The following FBXL7 variants were observed in gnomAD, a reference collection of about 807,000 sequenced individuals.
FBXL7 encodes F-box/LRR-repeat protein 7.
A neutral mutation model predicts 38.3 loss-of-function variants in FBXL7; 12 were observed. The ratio of observed to expected loss-of-function variants is 0.31; its 90% CI spans 0.20 to 0.51. The LOEUF is 0.51. Among genes scored for constraint, FBXL7 ranks in the 20% least tolerant of loss-of-function variants. FBXL7 has a pLI of 0.98. For missense variants in FBXL7, 567 were observed against 676.4 expected, an observed-to-expected ratio of 0.84 and a Z score of 1.79; for synonymous variants, 297 against 300.9, an observed-to-expected ratio of 0.99 and a Z score of 0.13.
At chr5:15,502,242 A>G (rs753216819) in intron 1 of FBXL7, among the ~76,000 whole-genome samples, 68 of 152,018 alleles carry the variant, frequency 4.5e-4, no homozygotes, top group Non-Finnish European at 8.7e-4. Flanking sequence ...TTCTTGAACA[A>G]TCCCCTGCCC....
intron 2 of FBXL7, among the ~76,000 whole-genome samples, chr5:15,808,576 C>T (rs1460051495): frequency 1.3e-5 from 2 of 152,108 alleles, no homozygotes; most frequent in Admixed American, 6.6e-5. Context: ...GACTTCTGTC[C>T]CTTTCTCTTC....
chr5:15,550,876 C>T (rs563930629), intron 1 of FBXL7, among the ~76,000 whole-genome samples: 22 of 152,338 alleles, frequency 1.4e-4, no homozygotes, highest in South Asian at 1.2e-3. Context: ...CCTGCCCACT[C>T]GCCTTATTTC....
At chr5:15,781,264 G>A (rs1272759705) in intron 2 of FBXL7, among the ~76,000 whole-genome samples, 1 of 152,078 alleles carries the variant, frequency 6.6e-6, no homozygotes, top group Non-Finnish European at 1.5e-5. Context: ...AAGTGATAAC[G>A]AGAGAGAAAT....
intron 2 of FBXL7, among the ~76,000 whole-genome samples, chr5:15,899,466 T>C: frequency 6.6e-6 from 1 of 152,204 alleles, no homozygotes; most frequent in East Asian, 1.9e-4. Flanking sequence ...AACATTTCTA[T>C]GAAAAAGGAG....
rs74825971 is a variant in FBXL7 at position 15,713,106 on chromosome 5, G to A, written c.127+97034G>A. On this transcript the variant is annotated intron_variant, in intron 2 of 3. Coordinates refer to ENST00000504595, the MANE Select transcript of FBXL7 (RefSeq NM_012304.5). ...TGCTTATAAAGACACACCTGAGACC[G>A]GGCAATTTATGAAGAAAAAGAGGTT... Among the ~76,000 whole-genome samples the A allele has an allele frequency of 6.2e-3, 943 of 152,216 alleles. 5 individuals carry two copies. Among genetic ancestry groups the A allele is most frequent in the African/African-American group, 0.021 (889 of 41,522 alleles).
At chr5:15,555,754 T>C (rs1738208096) in intron 1 of FBXL7, among the ~76,000 whole-genome samples, 1 of 150,964 alleles carries the variant, frequency 6.6e-6, no homozygotes, top group Non-Finnish European at 1.5e-5. Context: ...CCTGACAAAA[T>C]TGGGGATTGG....
chr5:15,550,154 A>G (rs1349495358), intron 1 of FBXL7, among the ~76,000 whole-genome samples: 3 of 152,236 alleles, frequency 2.0e-5, no homozygotes, highest in Non-Finnish European at 2.9e-5. Context: ...GGTGCACTAA[A>G]TAAAAATATC....
chr5:15,853,299 GC>G (rs1739155657), intron 2 of FBXL7, among the ~76,000 whole-genome samples: 1 of 152,164 alleles, frequency 6.6e-6, no homozygotes. Flanking sequence ...AGATAGAGGG[GC>G]CATGAGCAGT....
intron 2 of FBXL7, among the ~76,000 whole-genome samples, chr5:15,663,778 T>A (rs1263857834): frequency 2.6e-5 from 4 of 152,230 alleles, no homozygotes; most frequent in Non-Finnish European, 5.9e-5. Flanking sequence ...TGCCTGCTCC[T>A]TTATTATTGT....
intron 2 of FBXL7, among the ~76,000 whole-genome samples, chr5:15,643,780 A>C (rs1032674937): frequency 6.6e-6 from 1 of 152,168 alleles, no homozygotes. Flanking sequence ...GAACATTGGA[A>C]AAAAGCATCT....
intron 2 of FBXL7, among the ~76,000 whole-genome samples, chr5:15,829,557 A>AT (rs1432158446): frequency 6.6e-5 from 10 of 152,032 alleles, no homozygotes; most frequent in African/African-American, 1.5e-4. Flanking sequence ...CCATTCCTAC[A>AT]TTTTTTCTAA....
intron 2 of FBXL7, among the ~76,000 whole-genome samples, chr5:15,647,371 G>A (rs551958015): frequency 2.6e-5 from 4 of 152,258 alleles, no homozygotes; most frequent in African/African-American, 4.8e-5. Context: ...TGCTCTTCTC[G>A]CCATTCCATG....
chr5:15,832,384 G>A (rs1325348450), intron 2 of FBXL7, among the ~76,000 whole-genome samples: 1 of 152,190 alleles, frequency 6.6e-6, no homozygotes, highest in African/African-American at 2.4e-5. Context: ...AATAAATCAA[G>A]CAAGGGAGTG....
intron 2 of FBXL7, among the ~76,000 whole-genome samples, chr5:15,841,510 T>A (rs1375827303): frequency 6.6e-6 from 1 of 152,170 alleles, no homozygotes; most frequent in Non-Finnish European, 1.5e-5. Context: ...CCTGGTAACC[T>A]GGTAGCTTGC....
rs150318822 is a variant in FBXL7, at chr5:15,634,650, A to G, written c.127+18578A>G. 6.9e-3 allele frequency among the ~76,000 whole-genome samples: 1,058 copies of G among 152,240 alleles called. 5 individuals carry two copies. The highest frequency in any genetic ancestry group is 0.011 in the Non-Finnish European group (718 of 68,022). On this transcript the variant is annotated intron_variant, in intron 2 of 3. Coordinates refer to ENST00000504595, the MANE Select transcript of FBXL7 (RefSeq NM_012304.5). ...GCATCAGTTTCCTGATGCTACTATA[A>G]CAAATGATGGCTAACTTAGTGTCTT...
chr5:15,566,578 G>A (rs1738579682), intron 1 of FBXL7, among the ~76,000 whole-genome samples: 1 of 152,052 alleles, frequency 6.6e-6, no homozygotes, highest in Non-Finnish European at 1.5e-5. Flanking sequence ...TTTTTAATGC[G>A]AAAATGAATT....
chr5:15,892,322 A>G (rs1176246572), intron 2 of FBXL7, among the ~76,000 whole-genome samples: 2 of 152,186 alleles, frequency 1.3e-5, no homozygotes, highest in Non-Finnish European at 2.9e-5. Flanking sequence ...GATGATGTGG[A>G]ACCATGCATG....
chr5:15,715,897 C>G (rs921418123), intron 2 of FBXL7, among the ~76,000 whole-genome samples: 2 of 152,194 alleles, frequency 1.3e-5, no homozygotes, highest in Non-Finnish European at 2.9e-5. Context: ...CTGTAAACAT[C>G]AAGCCCATTA....
intron 1 of FBXL7, among the ~76,000 whole-genome samples, chr5:15,557,905 A>G (rs540331602): frequency 6.6e-6 from 1 of 152,310 alleles, no homozygotes; most frequent in East Asian, 1.9e-4. Flanking sequence ...TCTTAATGTG[A>G]CACAAATTGT....
Sources: allele counts gnomAD v4.1 joint callset (sites outside exome capture counted in the v4.1 genomes callset), GRCh38; gene constraint gnomAD v4.1.1; transcripts MANE v1.5; gene names NCBI Gene and HGNC (gene_info 2026-07-23, HGNC 2026-07-21).